Variants in TENM4 observed in about 807,000 individuals in gnomAD.
The protein encoded by TENM4 is teneurin transmembrane protein 4, also known as teneurin-4.
Under a neutral mutation model 243.3 loss-of-function variants are expected in TENM4, and 82 were observed. The observed-to-expected ratio is 0.34, with a 90% CI of 0.28 to 0.40. The LOEUF is 0.40. TENM4 is among the 10% of genes least tolerant of loss of function. The pLI, the probability that TENM4 is intolerant of heterozygous loss-of-function variation, is 1.00. For missense variants in TENM4, 3,138 were observed against 3,673.3 expected, an observed-to-expected ratio of 0.85 and a Z score of 3.77; for synonymous variants, 1,412 against 1,456.3, an observed-to-expected ratio of 0.97 and a Z score of 0.69.
chr11:79,232,378 G>A (rs530110205), intron 2 of TENM4, among the ~76,000 whole-genome samples: 66 of 152,326 alleles, frequency 4.3e-4, no homozygotes, highest in African/African-American at 1.5e-3. Context: ...AACCCTGCAC[G>A]GGCAGCCCCA....
intron 6 of TENM4, among the ~76,000 whole-genome samples, chr11:78,909,635 A>G (rs1359968232): frequency 6.6e-6 from 1 of 152,260 alleles, no homozygotes; most frequent in Non-Finnish European, 1.5e-5. Context: ...GGAGCACCAC[A>G]GGTATGGAGG....
intron 6 of TENM4, among the ~76,000 whole-genome samples, chr11:79,049,460 C>T (rs1458798190): frequency 1.3e-5 from 2 of 152,166 alleles, no homozygotes; most frequent in Non-Finnish European, 2.9e-5. Flanking sequence ...TCTGCTAGGG[C>T]CGCTCACTAA....
chr11:79,330,877 G>T (rs1195554117), intron 1 of TENM4, among the ~76,000 whole-genome samples: 1 of 152,202 alleles, frequency 6.6e-6, no homozygotes, highest in Admixed American at 6.5e-5. Flanking sequence ...GGGCTGGCCA[G>T]TTTCTGCTTT....
chr11:78,880,793 T>C (rs1457108272), intron 9 of TENM4, among the ~76,000 whole-genome samples: 1 of 152,192 alleles, frequency 6.6e-6, no homozygotes, highest in Non-Finnish European at 1.5e-5. Context: ...TTAGGTAATA[T>C]CTGATTTTAA....
intron 9 of TENM4, among the ~76,000 whole-genome samples, chr11:78,867,636 A>G (rs999945884): frequency 2.0e-5 from 3 of 152,230 alleles, no homozygotes; most frequent in Admixed American, 1.3e-4. Flanking sequence ...AATCAAAATC[A>G]TAACACAAAA....
chr11:79,278,190 G>A (rs371673666), intron 2 of TENM4, among the ~76,000 whole-genome samples: 10 of 152,284 alleles, frequency 6.6e-5, no homozygotes, highest in African/African-American at 1.2e-4. Context: ...ACCTTGTTCC[G>A]ATGAGGATTC....
intron 1 of TENM4, among the ~76,000 whole-genome samples, chr11:79,298,359 C>CA (rs1408088173): frequency 2.0e-5 from 3 of 150,962 alleles, no homozygotes; most frequent in Non-Finnish European, 4.4e-5. Flanking sequence ...ACTAAAAATA[C>CA]AAAAAATTAG....
intron 2 of TENM4, among the ~76,000 whole-genome samples, chr11:79,262,012 C>T (rs2186575): frequency 0.023 from 3,468 of 152,218 alleles, 217 homozygotes; most frequent in Admixed American, 0.13. Flanking sequence ...AAATAGCCTT[C>T]GGGATAGATT....
At chr11:79,286,189 T>C (rs1291160997) in intron 2 of TENM4, among the ~76,000 whole-genome samples, 3 of 152,068 alleles carry the variant, frequency 2.0e-5, no homozygotes, top group African/African-American at 7.2e-5. Flanking sequence ...CCATGTTGTT[T>C]GCACAATAAT....
At chr11:79,044,786 C>T (rs1859619347) in intron 6 of TENM4, among the ~76,000 whole-genome samples, 1 of 152,196 alleles carries the variant, frequency 6.6e-6, no homozygotes, top group Non-Finnish European at 1.5e-5. Context: ...ACGGAAAACA[C>T]ATTTCAGCAG....
chr11:78,704,768 A>G (rs1859202018), intron 27 of TENM4, among the ~76,000 whole-genome samples: 2 of 152,318 alleles, frequency 1.3e-5, no homozygotes, highest in South Asian at 4.1e-4. Flanking sequence ...AACTTCTTAT[A>G]TTTTCTACAA....
At chr11:78,997,944 C>T (rs1858218232) in intron 6 of TENM4, among the ~76,000 whole-genome samples, 1 of 152,122 alleles carries the variant, frequency 6.6e-6, no homozygotes, top group Non-Finnish European at 1.5e-5. Context: ...TTCTCTCTTT[C>T]CTTGGTGTAT....
intron 1 of TENM4, among the ~76,000 whole-genome samples, chr11:79,359,419 A>C (rs1464601534): frequency 6.6e-6 from 1 of 152,136 alleles, no homozygotes; most frequent in Non-Finnish European, 1.5e-5. Flanking sequence ...TGAGATACAC[A>C]CTAAAGTATT....
intron 19 of TENM4, among the ~76,000 whole-genome samples, chr11:78,741,746 C>T (rs1343715389): frequency 6.6e-6 from 1 of 152,164 alleles, no homozygotes; most frequent in Non-Finnish European, 1.5e-5. Context: ...GTTGGGCACT[C>T]GCTCAGGGCT....
intron 15 of TENM4, among the ~76,000 whole-genome samples, chr11:78,789,518 G>A (rs1291927074): frequency 6.6e-6 from 1 of 152,238 alleles, no homozygotes; most frequent in Non-Finnish European, 1.5e-5. Context: ...TGACTCTGGA[G>A]GCTGGGCCTG....
intron 13 of TENM4, among the ~76,000 whole-genome samples, chr11:78,812,705 C>T (rs996284823): frequency 6.6e-6 from 1 of 152,082 alleles, no homozygotes; most frequent in African/African-American, 2.4e-5. Context: ...CCTCTAATAA[C>T]ACTCCACTTT....
intron 1 of TENM4, among the ~76,000 whole-genome samples, chr11:79,413,343 C>T (rs1457102799): frequency 6.6e-6 from 1 of 152,020 alleles, no homozygotes; most frequent in Non-Finnish European, 1.5e-5. Context: ...AAGAAGCTGG[C>T]TGTGGACTGC....
At chr11:78,853,406 G>A (rs1314896351) in intron 12 of TENM4, among the ~76,000 whole-genome samples, 4 of 152,122 alleles carry the variant, frequency 2.6e-5, no homozygotes, top group East Asian at 3.9e-4. Flanking sequence ...TTTAAATAGG[G>A]TGCCAGGCTT....
chr11:79,003,072 G>A (rs979057909), intron 6 of TENM4, among the ~76,000 whole-genome samples: 3 of 152,100 alleles, frequency 2.0e-5, no homozygotes, highest in African/African-American at 4.8e-5. Flanking sequence ...TTGAAGACCA[G>A]TTCCCCAAAA....
Sources: gnomAD v4.1 joint callset for allele counts (sites outside exome capture counted in the v4.1 genomes callset) on GRCh38, gnomAD v4.1.1 for gene constraint, MANE v1.5 for transcripts, NCBI Gene and HGNC (gene_info 2026-07-23, HGNC 2026-07-21) for gene names.